PHLPP1: variants seen among roughly 807,000 people sequenced by gnomAD.
PHLPP1 encodes the protein PH domain and leucine rich repeat protein phosphatase 1.
In PHLPP1, 42 loss-of-function variants were observed where a neutral mutation model predicts 117.2. That is an observed-to-expected ratio of 0.36 (90% confidence interval 0.28 to 0.46). The LOEUF is 0.46. Among genes scored for constraint, PHLPP1 ranks in the 20% least tolerant of loss-of-function variants. PHLPP1 has a pLI of 1.00. For missense variants in PHLPP1, 2,084 were observed against 2,241.9 expected, an observed-to-expected ratio of 0.93 and a Z score of 1.42; for synonymous variants, 1,042 against 970.7, an observed-to-expected ratio of 1.07 and a Z score of -1.37.
chr18:62,930,308 AC>A (rs1909770206), intron 10 of PHLPP1, among the ~76,000 whole-genome samples: 1 of 152,206 alleles, frequency 6.6e-6, no homozygotes, highest in African/African-American at 2.4e-5. Context: ...ATGTGCTTGA[AC>A]CCAACCTTCT....
In PHLPP1 at chr18:62,769,267, G is replaced by A. The variant is rs140691999; in HGVS notation, c.1576+52008G>A. On this transcript the variant is annotated intron_variant, in intron 1 of 16. Transcript: ENST00000262719. Reference sequence around the variant, plus strand: ...CTTGACTAAGCCTTTTAGTATTGTGGAATCAGAAGTCCAGAGGTAGGAATG... The same window carrying A: ...CTTGACTAAGCCTTTTAGTATTGTGAAATCAGAAGTCCAGAGGTAGGAATG... 4.4e-3 allele frequency among the ~76,000 whole-genome samples: 668 copies of A among 152,282 alleles called. 5 individuals are homozygous for A. The highest frequency in any genetic ancestry group is 0.015 in the African/African-American group (626 of 41,568).
At chr18:62,808,623 G>T (rs1914024077) in intron 1 of PHLPP1, among the ~76,000 whole-genome samples, 1 of 150,752 alleles carries the variant, frequency 6.6e-6, no homozygotes, top group South Asian at 2.1e-4. Flanking sequence ...CACCATGTTG[G>T]CTCACTGCAC....
At chr18:62,823,456 C>T (rs993525867) in intron 1 of PHLPP1, among the ~76,000 whole-genome samples, 1 of 151,738 alleles carries the variant, frequency 6.6e-6, no homozygotes, top group African/African-American at 2.4e-5. Context: ...CCCAGCTATT[C>T]AGGAGGCTTG....
chr18:62,831,098 G>A (rs1013439040), intron 2 of PHLPP1, among the ~76,000 whole-genome samples: 2 of 151,856 alleles, frequency 1.3e-5, no homozygotes, highest in African/African-American at 4.8e-5. Context: ...CTTTGCTTTG[G>A]GTATGTTAAC....
In PHLPP1 at chr18:62,958,649, T is replaced by C; in HGVS notation, c.3345T>C (p.Asn1115=). The change falls in exon 13 of 17, where the codon AAT becomes AAC. Residue 1115 remains asparagine, a synonymous_variant. Coordinates refer to ENST00000262719, the MANE Select transcript of PHLPP1 (RefSeq NM_194449.4). ...PEIKCVDLSC[N]ELSEVTLPEN... is the part of the protein sequence containing the mutation. ...TTCAGTGTGTGGACCTGAGCTGTAA[T>C]GAGCTAAGTGAAGTCACATTACCAG... 1 of 1,613,950 alleles carries C rather than the reference T, an allele frequency of 6.2e-7. No individual in the cohort carries two copies. Among genetic ancestry groups the C allele is most frequent in the Non-Finnish European group, 8.5e-7 (1 of 1,179,860 alleles).
chr18:62,716,083 G>T lies in PHLPP1; in HGVS notation c.400G>T (p.Ala134Ser). The T allele has an allele frequency of 6.7e-7, 1 of 1,489,060 alleles. No individual in the cohort carries two copies. 92.2% of individuals were successfully genotyped at this position (1,489,060 alleles called of 1,614,324 possible). ...GCTGAAGAGGAATCTGTCCGCGGCC[G>T]CCGCGGCCGCCTCCTCGTCGTCGTC... ...GRLKRNLSAA[A>S]AAASSSSSSS... The change falls in exon 1 of 17, where the codon GCC becomes TCC. Residue 134 changes from alanine (A) to serine (S), a missense_variant. By Grantham distance (99) the Ala-to-Ser change is moderately conservative. Around this residue, in one of 2 missense-constraint regions of PHLPP1, gnomAD observed 719 missense variants for 636.0 expected, o/e 1.13. Coordinates refer to ENST00000262719, the MANE Select transcript of PHLPP1 (RefSeq NM_194449.4). The surrounding 1 kb of genome is among the most constrained non-coding windows in gnomAD (Gnocchi z 5.7).
intron 4 of PHLPP1, among the ~76,000 whole-genome samples, chr18:62,887,405 T>G (rs1916311144): frequency 6.6e-6 from 1 of 152,196 alleles, no homozygotes; most frequent in African/African-American, 2.4e-5. Flanking sequence ...TTTAGTCTGT[T>G]TGGGCTGCTA....
chr18:62,903,078 C>A lies in PHLPP1; in HGVS notation c.2559C>A (p.Asn853Lys), dbSNP rs1254742308. The A allele has an allele frequency of 6.2e-7, 1 of 1,613,328 alleles. No individual in the cohort carries two copies. The highest frequency in any genetic ancestry group is 8.5e-7 in the Non-Finnish European group (1 of 1,179,488). The change falls in exon 7 of 17, where the codon AAC (asparagine) becomes AAA (lysine). Residue 853 changes from asparagine to lysine, a missense_variant. Around this residue, in one of 2 missense-constraint regions of PHLPP1, gnomAD observed 1,365 missense variants for 1,605.9 expected, o/e 0.85. Coordinates refer to ENST00000262719, the MANE Select transcript of PHLPP1 (RefSeq NM_194449.4). ...LGDLDAMIFN[N>K]IEVLHCERNQ... ...ATCTAGATGCTATGATTTTCAACAACATTGAAGTTTTACACTGTGAAAGGA... is the reference window on the plus strand; with the variant it reads ...ATCTAGATGCTATGATTTTCAACAAAATTGAAGTTTTACACTGTGAAAGGA...
At chr18:62,903,637 G>A (rs1259625578) in intron 7 of PHLPP1, among the ~76,000 whole-genome samples, 1 of 152,072 alleles carries the variant, frequency 6.6e-6, no homozygotes, top group East Asian at 1.9e-4. Flanking sequence ...GGTGGTGTAT[G>A]CCTGTAGTCC....
chr18:62,902,107 T>G (rs1568155914), intron 6 of PHLPP1, among the ~76,000 whole-genome samples: 1 of 152,212 alleles, frequency 6.6e-6, no homozygotes, highest in Non-Finnish European at 1.5e-5. Flanking sequence ...GTTATTTTGG[T>G]TCCTAGTCCC....
At chr18:62,736,300 C>T (rs554689094) in intron 1 of PHLPP1, among the ~76,000 whole-genome samples, 1 of 152,240 alleles carries the variant, frequency 6.6e-6, no homozygotes, top group South Asian at 2.1e-4. Context: ...AACAAGATCC[C>T]CAGGAGTTTC....
At chr18:62,904,997 A>G (rs1261246777) in intron 7 of PHLPP1, among the ~76,000 whole-genome samples, 1 of 152,248 alleles carries the variant, frequency 6.6e-6, no homozygotes, top group Non-Finnish European at 1.5e-5. Context: ...GCAAAGAGGT[A>G]GGAAATTAGA....
At chr18:62,850,403 A>G (rs1215845461) in intron 3 of PHLPP1, among the ~76,000 whole-genome samples, 2 of 149,954 alleles carry the variant, frequency 1.3e-5, no homozygotes, top group East Asian at 2.0e-4. Context: ...GCGGGGGGGA[A>G]AACAAGTAGT....
At chr18:62,749,137 T>C (rs1911766398) in intron 1 of PHLPP1, among the ~76,000 whole-genome samples, 1 of 152,142 alleles carries the variant, frequency 6.6e-6, no homozygotes, top group Admixed American at 6.5e-5. Context: ...CTTACTTTTT[T>C]ACTCCTGAAA....
chr18:62,841,112 T>G (rs1325303589), intron 3 of PHLPP1, among the ~76,000 whole-genome samples: 2 of 152,144 alleles, frequency 1.3e-5, no homozygotes, highest in South Asian at 2.1e-4. Context: ...GGTTTTGAAC[T>G]CCTGACCTCA....
rs1916518552 is a variant in PHLPP1 at position 62,895,078 on chromosome 18, A to G, written c.2134A>G (p.Ser712Gly). ...AGGGGACTTCCCACTGGCAGTCTGC[A>G]GTATTCCAACCCTGGCAGAGCTGAA... ...HLGDFPLAVC[S>G]IPTLAELNVS... Residue 712 changes from serine (S) to glycine (G), a missense_variant, in exon 5 of 17, where the codon AGT becomes GGT. Ser to Gly is a moderately conservative substitution (Grantham distance 56, BLOSUM62 0). Transcript: ENST00000262719. 6.2e-7 allele frequency: 1 copy of G among 1,613,798 alleles called. No homozygotes were observed. The highest frequency in any genetic ancestry group is 8.5e-7 in the Non-Finnish European group (1 of 1,179,678).
In PHLPP1 at chr18:62,895,766, T is replaced by A. The variant is rs767935366; in HGVS notation, c.2214-15T>A. On this transcript the variant is annotated splice_polypyrimidine_tract_variant and intron_variant, in intron 5 of 16. Coordinates refer to ENST00000262719, the MANE Select transcript of PHLPP1 (RefSeq NM_194449.4). Reference sequence around the variant, plus strand: ...TTATATGTTCTCTTTGTAATTCTTATGTTTTCTCTAATAGCTTACAGACAT... The same window carrying A: ...TTATATGTTCTCTTTGTAATTCTTAAGTTTTCTCTAATAGCTTACAGACAT... 7.0e-7 allele frequency: 1 copy of A among 1,438,824 alleles called. No individual in the cohort carries two copies. The highest frequency in any genetic ancestry group is 9.8e-7 in the Non-Finnish European group (1 of 1,022,212). 89.1% of individuals were successfully genotyped at this position (1,438,824 alleles called of 1,614,324 possible).
At chr18:62,854,265 A>G (rs1432103898) in intron 3 of PHLPP1, among the ~76,000 whole-genome samples, 1 of 152,186 alleles carries the variant, frequency 6.6e-6, no homozygotes, top group Non-Finnish European at 1.5e-5. Context: ...CTTTCTATAT[A>G]TGCCTGTTTC....
chr18:62,768,847 A>G (rs1418825106), intron 1 of PHLPP1, among the ~76,000 whole-genome samples: 1 of 152,218 alleles, frequency 6.6e-6, no homozygotes, highest in South Asian at 2.1e-4. Context: ...GATAAAAGCA[A>G]ACAATTTATG....
Sources: gnomAD v4.1 joint callset for allele counts (sites outside exome capture counted in the v4.1 genomes callset) on GRCh38, gnomAD v4.1.1 for gene constraint, gnomAD v4.1.1 regional missense constraint, Gnocchi (gnomAD v3.1) non-coding constraint, MANE v1.5 for transcripts, NCBI Gene and HGNC (gene_info 2026-07-23, HGNC 2026-07-21) for gene names.